The following TDRD1 variants were observed in gnomAD, a reference collection of about 807,000 sequenced individuals.
The protein encoded by TDRD1 is tudor domain containing 1.
A neutral mutation model predicts 140.6 loss-of-function variants in TDRD1; 37 were observed. The ratio of observed to expected loss-of-function variants is 0.26; its 90% CI spans 0.20 to 0.35. The LOEUF is 0.35. Ranked by LOEUF, TDRD1 falls within the 10% of genes least tolerant of loss-of-function variation. The pLI, the probability that TDRD1 is intolerant of heterozygous loss-of-function variation, is 1.00. For synonymous variants in TDRD1, 506 were observed against 475.7 expected (o/e 1.06, Z -0.83); for missense variants, 1,243 against 1,393.0 (o/e 0.89, Z 1.71).
chr10:114,227,953 A>G (rs1393977325), exon 24 of TDRD1: 1 of 1,613,620 alleles, frequency 6.2e-7, no homozygotes, highest in Non-Finnish European at 8.5e-7. Flanking sequence ...AGTTACAGAA[A>G]CAAGTAGGTA....
intron 2 of TDRD1, among the ~76,000 whole-genome samples, chr10:114,188,704 G>A (rs2480554): frequency 0.65 from 98,944 of 151,642 alleles, 34,290 homozygotes; most frequent in African/African-American, 0.9. Flanking sequence ...TAAAAATACA[G>A]AAACTAGCCG....
chr10:114,207,984 G>T (rs1278495606), intron 11 of TDRD1, among the ~76,000 whole-genome samples: 2 of 152,076 alleles, frequency 1.3e-5, no homozygotes, highest in East Asian at 1.9e-4. Flanking sequence ...GGGTACCTAA[G>T]ACTTGCAATA....
Position 114,213,947 on chromosome 10 carries a change from T to C in TDRD1, c.2075-30T>C. 2.5e-6 allele frequency: 4 copies of C among 1,612,944 alleles called. No homozygotes were observed. In the South Asian group the frequency reaches 4.4e-5, roughly 18 times the overall value. ...ACCTCGCTACATCCCTCCTCCACTATGTCCATTTAATGTTTAATTATTTTC... is the reference window on the plus strand; with the variant it reads ...ACCTCGCTACATCCCTCCTCCACTACGTCCATTTAATGTTTAATTATTTTC... On this transcript the variant is annotated intron_variant, in intron 15 of 25. Coordinates refer to ENST00000251864, the Ensembl canonical transcript of TDRD1.
In TDRD1 at chr10:114,217,685, T is replaced by C. The variant is rs765270326; in HGVS notation, c.2323+30T>C. The C allele has an allele frequency of 4.4e-4, 520 of 1,181,514 alleles. 1 individual carries two copies. The highest frequency in any genetic ancestry group is 5.5e-4 in the Non-Finnish European group (440 of 798,446). 73.2% of individuals were successfully genotyped at this position (1,181,514 alleles called of 1,614,324 possible). A position where few individuals can be genotyped will look rare whatever the true frequency, so the allele number is the denominator to read the frequency against. ...GTTGCAATTGATGCAATCTTGACTT[T>C]TAGAACCTTATATTTCTTAACTTAA... is the stretch of plus-strand genomic sequence containing the variant. On this transcript the variant is annotated intron_variant, in intron 17 of 25. Transcript: ENST00000251864.
At chr10:114,206,325 A>G (rs199857847) in exon 11 of TDRD1, 11 of 1,612,688 alleles carry the variant, frequency 6.8e-6, no homozygotes, top group Admixed American at 3.3e-5. Context: ...GAAAATGCAG[A>G]TCAAAGTGAG....
At chr10:114,178,325 C>A (rs565578038), upstream of TDRD1, among the ~76,000 whole-genome samples, 1 of 152,152 alleles carries the variant, frequency 6.6e-6, no homozygotes, top group South Asian at 2.1e-4. Flanking sequence ...TTAAACTACT[C>A]CAAAGCAGTG....
At chr10:114,220,936 G>T in intron 19 of TDRD1, 93 bp downstream of exon 19, 1 of 793,034 alleles carries the variant, frequency 1.3e-6, no homozygotes, top group Non-Finnish European at 2.0e-6. Flanking sequence ...CAGTTTTCCT[G>T]TAGAGATATG....
At chr10:114,206,388 C>G (rs17091424) in intron 11 of TDRD1, 58 bp downstream of exon 11, 313,152 of 1,407,726 alleles carry the variant, frequency 0.22, 36,376 homozygotes, top group Middle Eastern at 0.28. Flanking sequence ...GACCATCTAC[C>G]TACTAAACAA....
intron 3 of TDRD1, among the ~76,000 whole-genome samples, chr10:114,197,404 T>C (rs2034437492): frequency 6.6e-6 from 1 of 152,206 alleles, no homozygotes; most frequent in Non-Finnish European, 1.5e-5. Context: ...TTTAAAATAC[T>C]CATTTGGTTC....
At chr10:114,228,152 C>A in intron 25 of TDRD1, 1 of 1,547,490 alleles carries the variant, frequency 6.5e-7, no homozygotes, top group South Asian at 1.2e-5. Context: ...CGTATGTTTT[C>A]GCCTCTTCTG....
chr10:114,227,192 C>A lies in TDRD1; in HGVS notation c.3296C>A (p.Ser1099Ter). ...ATTACAAAGAATGTCCATACAGTGTCAGTTGAGAAATGTTCTGAGAATGGG... is the reference window on the plus strand; with the variant it reads ...ATTACAAAGAATGTCCATACAGTGTAAGTTGAGAAATGTTCTGAGAATGGG... Residue 1099 changes from serine (S) to a stop codon, truncating the protein, a stop_gained, in exon 23 of 26, where the codon TCA becomes TAA. Coordinates refer to ENST00000251864, the Ensembl canonical transcript of TDRD1. LOFTEE classifies it high-confidence loss of function. The A allele has an allele frequency of 6.2e-7, 1 of 1,613,674 alleles. No homozygotes were observed. Among genetic ancestry groups the A allele is most frequent in the South Asian group, 1.1e-5 (1 of 91,052 alleles).
upstream of TDRD1, among the ~76,000 whole-genome samples, chr10:114,177,428 G>A (rs921586910): frequency 6.6e-6 from 1 of 152,110 alleles, no homozygotes; most frequent in African/African-American, 2.4e-5. Flanking sequence ...TACCTCTGTG[G>A]TCTTCCTTCC....
chr10:114,199,230 A>G, exon 4 of TDRD1: 2 of 1,614,122 alleles, frequency 1.2e-6, no homozygotes, highest in South Asian at 1.1e-5. Context: ...GTTGGTCGAG[A>G]ATTCCTTGTC....
intron 1 of TDRD1, among the ~76,000 whole-genome samples, chr10:114,181,037 A>G (rs965351786): frequency 5.3e-5 from 8 of 152,230 alleles, no homozygotes; most frequent in African/African-American, 1.9e-4. Flanking sequence ...AGGGAGCTTC[A>G]GGACTTAATG....
chr10:114,222,841 G>T, intron 21 of TDRD1, 138 bp downstream of exon 21: 1 of 564,578 alleles, frequency 1.8e-6, no homozygotes, highest in Non-Finnish European at 3.1e-6. Flanking sequence ...CAGTGTTGTG[G>T]ATTTAATTCA....
chr10:114,180,991 C>T (rs550922329), intron 1 of TDRD1, among the ~76,000 whole-genome samples: 30 of 152,242 alleles, frequency 2.0e-4, no homozygotes, highest in African/African-American at 6.5e-4. Flanking sequence ...CAGGGAGAAC[C>T]GATAGGATTC....
chr10:114,214,643 T>C (rs1235220771), intron 16 of TDRD1, among the ~76,000 whole-genome samples: 2 of 152,312 alleles, frequency 1.3e-5, no homozygotes, highest in Middle Eastern at 3.4e-3. Flanking sequence ...CTCCACACAC[T>C]TGTATAACTA....
chr10:114,218,554 C>G, exon 18 of TDRD1: 1 of 1,609,534 alleles, frequency 6.2e-7, no homozygotes, highest in East Asian at 2.2e-5. Flanking sequence ...TTTAAACCTT[C>G]CCTTTCAGGG....
At chr10:114,188,749 T>C (rs1481333039) in intron 2 of TDRD1, among the ~76,000 whole-genome samples, 1 of 151,816 alleles carries the variant, frequency 6.6e-6, no homozygotes, top group Non-Finnish European at 1.5e-5. Context: ...CCCAGCTACT[T>C]GAGAGGCTGA....
Sources: gnomAD v4.1 joint callset for allele counts (sites outside exome capture counted in the v4.1 genomes callset) on GRCh38, gnomAD v4.1.1 for gene constraint, MANE v1.5 for transcripts, NCBI Gene and HGNC (gene_info 2026-07-23, HGNC 2026-07-21) for gene names.